CCDC170: variants seen among roughly 807,000 people sequenced by gnomAD.
CCDC170 encodes the protein coiled-coil domain-containing protein 170.
Under a neutral mutation model 72.6 loss-of-function variants are expected in CCDC170, and 69 were observed. The observed-to-expected ratio is 0.95, with a 90% CI of 0.78 to 1.16. The LOEUF (loss-of-function observed/expected upper bound fraction) is 1.16. CCDC170 is among the 50% of genes most tolerant of loss of function. The probability of loss-of-function intolerance (pLI) is 0.00; values close to 1 mark genes in which losing one functional copy is unlikely to be tolerated. For synonymous variants in CCDC170, 300 were observed against 303.9 expected, an observed-to-expected ratio of 0.99 and a Z score of 0.13; for missense variants, 852 against 832.5, an observed-to-expected ratio of 1.02 and a Z score of -0.29.
At chr6:151,549,431 TAAA>T (rs1306919903) in intron 5 of CCDC170, among the ~76,000 whole-genome samples, 2 of 152,306 alleles carry the variant, frequency 1.3e-5, no homozygotes, top group East Asian at 3.9e-4. Flanking sequence ...TATAGGATCT[TAAA>T]AAGTTTAAAT....
intron 1 of CCDC170, among the ~76,000 whole-genome samples, chr6:151,525,074 A>AT (rs1233208027): frequency 6.6e-6 from 1 of 151,806 alleles, no homozygotes; most frequent in African/African-American, 2.4e-5. Context: ...CTGGGACTAT[A>AT]GGTGCCCGCC....
At chr6:151,597,318 G>C (rs1247080408) in intron 9 of CCDC170, among the ~76,000 whole-genome samples, 1 of 151,968 alleles carries the variant, frequency 6.6e-6, no homozygotes, top group Non-Finnish European at 1.5e-5. Flanking sequence ...AGTAGAGACA[G>C]GGTTTCACCA....
chr6:151,527,335 A>C (rs1450793186), intron 1 of CCDC170, among the ~76,000 whole-genome samples: 1 of 152,090 alleles, frequency 6.6e-6, no homozygotes, highest in East Asian at 1.9e-4. Context: ...TTTTCCCACA[A>C]ATGCTAAGGT....
chr6:151,557,399 A>G (rs1782998805), intron 5 of CCDC170, among the ~76,000 whole-genome samples: 1 of 127,696 alleles, frequency 7.8e-6, no homozygotes. Context: ...ACAGAGCGAG[A>G]TTCTGTCTCA....
intron 9 of CCDC170, among the ~76,000 whole-genome samples, chr6:151,601,518 CGTGTGT>C (rs201008177): frequency 6.6e-6 from 1 of 150,456 alleles, no homozygotes; most frequent in Non-Finnish European, 1.5e-5. Context: ...AAAAACAGTG[CGTGTGT>C]GTGTGTGTGT....
chr6:151,498,296 GTT>G (rs1781940085), intron 1 of CCDC170, among the ~76,000 whole-genome samples: 1 of 152,196 alleles, frequency 6.6e-6, no homozygotes, highest in African/African-American at 2.4e-5. Context: ...AGCAGCTATA[GTT>G]CCTCAAAACA....
chr6:151,587,197 G>A (rs1776464487), intron 7 of CCDC170, among the ~76,000 whole-genome samples: 1 of 152,104 alleles, frequency 6.6e-6, no homozygotes, highest in Non-Finnish European at 1.5e-5. Context: ...GAGTTAGACG[G>A]GAAGAGAAGG....
chr6:151,568,867 T>G (rs184842068), intron 5 of CCDC170, among the ~76,000 whole-genome samples: 20 of 152,356 alleles, frequency 1.3e-4, no homozygotes, highest in Admixed American at 5.2e-4. Flanking sequence ...TGTTGTCTTT[T>G]GCTATATTAT....
chr6:151,597,465 A>G (rs976893010), intron 9 of CCDC170, among the ~76,000 whole-genome samples: 5 of 152,238 alleles, frequency 3.3e-5, no homozygotes, highest in Non-Finnish European at 7.3e-5. Context: ...AAAGAAATAC[A>G]TTTCTCCAAA....
intron 5 of CCDC170, among the ~76,000 whole-genome samples, chr6:151,570,228 G>A (rs1583031047): frequency 2.0e-5 from 3 of 152,098 alleles, no homozygotes; most frequent in Non-Finnish European, 4.4e-5. Context: ...TGTATTTTGA[G>A]GGTCTTTAGT....
chr6:151,512,673 A>G (rs1247086414), intron 1 of CCDC170, among the ~76,000 whole-genome samples: 2 of 145,954 alleles, frequency 1.4e-5, no homozygotes, highest in East Asian at 4.0e-4. Context: ...GAACTGTTGT[A>G]AGGGTTGAGT....
intron 1 of CCDC170, among the ~76,000 whole-genome samples, chr6:151,526,462 C>T (rs140836069): frequency 0.012 from 1,846 of 151,362 alleles, 17 homozygotes; most frequent in Middle Eastern, 0.066. Flanking sequence ...CCTAGTGATC[C>T]GCTTGCCTTG....
chr6:151,614,919 A>G (rs1776933917), intron 9 of CCDC170, among the ~76,000 whole-genome samples: 2 of 152,050 alleles, frequency 1.3e-5, no homozygotes, highest in Admixed American at 1.3e-4. Context: ...CACCTCCCAG[A>G]CTCACTGGTA....
At chr6:151,598,596 T>C (rs1160050543) in intron 9 of CCDC170, among the ~76,000 whole-genome samples, 2 of 152,122 alleles carry the variant, frequency 1.3e-5, no homozygotes, top group South Asian at 2.1e-4. Flanking sequence ...AGTCAAATAA[T>C]AGATATAGGA....
intron 1 of CCDC170, among the ~76,000 whole-genome samples, chr6:151,497,234 A>G (rs1781923959): frequency 6.6e-6 from 1 of 152,202 alleles, no homozygotes; most frequent in African/African-American, 2.4e-5. Flanking sequence ...TACAAAAAAC[A>G]CAAAAAGTAC....
At chr6:151,607,144 G>T (rs1776798749) in intron 9 of CCDC170, among the ~76,000 whole-genome samples, 1 of 152,132 alleles carries the variant, frequency 6.6e-6, no homozygotes, top group South Asian at 2.1e-4. Flanking sequence ...TTGTTTGTTT[G>T]TGGTGGCATC....
At position 151,494,050 on chromosome 6, in the gene CCDC170, C is replaced by T; in HGVS notation, c.-79C>T. ...TACCCGTTGCCCGAGGAGACACCCG[C>T]GCCACCCGCCGGCTCCCGGCGCCGC... On this transcript the variant is annotated 5_prime_UTR_variant, in exon 1 of 11. Coordinates refer to ENST00000239374, the MANE Select transcript of CCDC170 (RefSeq NM_025059.4). 2.2e-6 allele frequency: 3 copies of T among 1,355,102 alleles called. No individual in the cohort carries two copies. Among genetic ancestry groups the T allele is most frequent in the Non-Finnish European group, 2.9e-6 (3 of 1,041,494 alleles). 83.9% of individuals were successfully genotyped at this position (1,355,102 alleles called of 1,614,324 possible).
At chr6:151,527,126 G>A (rs114354440) in intron 1 of CCDC170, among the ~76,000 whole-genome samples, 2 of 145,442 alleles carry the variant, frequency 1.4e-5, no homozygotes, top group African/African-American at 5.1e-5. Context: ...CGAACTCCTG[G>A]CCTCAAGTGA....
At chr6:151,547,110 C>T (rs1375514400) in intron 4 of CCDC170, among the ~76,000 whole-genome samples, 2 of 152,150 alleles carry the variant, frequency 1.3e-5, no homozygotes, top group Non-Finnish European at 2.9e-5. Flanking sequence ...ACTGTTCCTT[C>T]GCTTTCACAC....
Sources: gnomAD v4.1 joint callset for allele counts (sites outside exome capture counted in the v4.1 genomes callset) on GRCh38, gnomAD v4.1.1 for gene constraint, MANE v1.5 for transcripts, NCBI Gene and HGNC (gene_info 2026-07-23, HGNC 2026-07-21) for gene names.